SULF1: variants seen among roughly 807,000 people sequenced by gnomAD.
SULF1 encodes the protein sulfatase 1, also known as extracellular sulfatase Sulf-1.
In SULF1, 46 loss-of-function variants were observed where a neutral mutation model predicts 110.5. That is an observed-to-expected ratio of 0.42 (90% CI 0.33 to 0.53). The LOEUF (loss-of-function observed/expected upper bound fraction) is 0.53, where lower values mean the gene tolerates loss of function less well. Among genes scored for constraint, SULF1 ranks in the 20% least tolerant of loss-of-function variants. SULF1 has a pLI of 0.12. For synonymous variants in SULF1, 371 were observed against 387.1 expected (o/e 0.96, Z 0.49); for missense variants, 941 against 1,094.2 (o/e 0.86, Z 1.98).
intron 13 of SULF1, among the ~76,000 whole-genome samples, chr8:69,610,802 T>C (rs555512403): frequency 6.6e-6 from 1 of 152,360 alleles, no homozygotes; most frequent in Admixed American, 6.5e-5. Flanking sequence ...TAACAGCCCA[T>C]CCTAATCAGG....
At chr8:69,582,324 T>A (rs2150756753) in intron 6 of SULF1, among the ~76,000 whole-genome samples, 1 of 152,326 alleles carries the variant, frequency 6.6e-6, no homozygotes, top group Non-Finnish European at 1.5e-5. Flanking sequence ...TGCAGAACTC[T>A]AGTGCGAGAT....
chr8:69,509,039 A>G (rs553543778), intron 3 of SULF1, among the ~76,000 whole-genome samples: 2 of 152,204 alleles, frequency 1.3e-5, no homozygotes, highest in South Asian at 2.1e-4. Flanking sequence ...TTTCCTACAA[A>G]ATTAGAATGT....
intron 1 of SULF1, among the ~76,000 whole-genome samples, chr8:69,468,475 TCTCCAGTTATA>T (rs1432864083): frequency 1.1e-4 from 16 of 152,202 alleles, no homozygotes; most frequent in Admixed American, 9.8e-4. Context: ...TTCAAAATGT[TCTCCAGTTATA>T]CTCTCAAACT....
intron 1 of SULF1, among the ~76,000 whole-genome samples, chr8:69,494,673 A>T (rs1713156574): frequency 6.6e-6 from 1 of 152,362 alleles, no homozygotes; most frequent in Non-Finnish European, 1.5e-5. Flanking sequence ...CAATCATAAT[A>T]GAAGGAACAC....
At chr8:69,475,370 G>A (rs1809256852) in intron 1 of SULF1, among the ~76,000 whole-genome samples, 1 of 151,782 alleles carries the variant, frequency 6.6e-6, no homozygotes, top group East Asian at 1.9e-4. Context: ...GAGAGAAAGA[G>A]AGAGGGGGAT....
chr8:69,534,579 A>G (rs1171472921), intron 3 of SULF1, among the ~76,000 whole-genome samples: 7 of 152,184 alleles, frequency 4.6e-5, no homozygotes, highest in African/African-American at 9.7e-5. Context: ...TTCTACTTAC[A>G]TGTTTTATTA....
chr8:69,657,669 C>T (rs916021101), intron 22 of SULF1, among the ~76,000 whole-genome samples: 3 of 152,118 alleles, frequency 2.0e-5, no homozygotes, highest in African/African-American at 7.2e-5. Flanking sequence ...CTAGCTAGAC[C>T]GAGGTTGTGG....
chr8:69,585,494 T>C (rs1369570385), intron 6 of SULF1, among the ~76,000 whole-genome samples: 3 of 152,138 alleles, frequency 2.0e-5, no homozygotes, highest in Non-Finnish European at 4.4e-5. Flanking sequence ...ACCCCTCTCC[T>C]GTCATCATCT....
intron 2 of SULF1, among the ~76,000 whole-genome samples, chr8:69,498,830 C>A (rs1055776197): frequency 6.6e-6 from 1 of 152,162 alleles, no homozygotes; most frequent in Non-Finnish European, 1.5e-5. Context: ...TCTCCACCCA[C>A]GCAATGGACC....
rs75753764 is a variant in SULF1, at chr8:69,516,471, G to A, written c.-134+14503G>A. 2.9e-3 allele frequency among the ~76,000 whole-genome samples: 447 copies of A among 152,084 alleles called. 1 individual carries two copies. Among genetic ancestry groups the A allele is most frequent in the African/African-American group, 0.01 (428 of 41,502 alleles). On this transcript the variant is annotated intron_variant, in intron 3 of 22. Coordinates refer to ENST00000402687, the MANE Select transcript of SULF1 (RefSeq NM_001128205.2). ...AATCCACCCCCATGATCAAATTACC[G>A]CCTACCAGGCCCCAGCTCTAACATT...
intron 3 of SULF1, among the ~76,000 whole-genome samples, chr8:69,558,987 A>G (rs1815300106): frequency 1.3e-5 from 2 of 152,174 alleles, no homozygotes; most frequent in African/African-American, 4.8e-5. Context: ...TTCATTTTAC[A>G]TTTTTGCAAA....
At chr8:69,523,195 T>C (rs1586297556) in intron 3 of SULF1, among the ~76,000 whole-genome samples, 2 of 152,158 alleles carry the variant, frequency 1.3e-5, no homozygotes, top group East Asian at 3.9e-4. Flanking sequence ...AGAGAGAATA[T>C]GCAGAACCTA....
chr8:69,492,616 G>A (rs1432838559), upstream of SULF1: 3 of 152,220 alleles, frequency 2.0e-5, no homozygotes, highest in Non-Finnish European at 4.4e-5. Context: ...CAAGCCGGCC[G>A]GCTGCAGCGC....
chr8:69,570,285 T>A (rs368263952), intron 5 of SULF1, among the ~76,000 whole-genome samples: 2 of 152,204 alleles, frequency 1.3e-5, no homozygotes, highest in Non-Finnish European at 2.9e-5. Flanking sequence ...TTTCCATAAG[T>A]GATAATGACA....
chr8:69,640,212 G>A (rs1298911972), intron 21 of SULF1, among the ~76,000 whole-genome samples: 1 of 151,998 alleles, frequency 6.6e-6, no homozygotes, highest in Non-Finnish European at 1.5e-5. Flanking sequence ...GAGAGAAAGA[G>A]CCTGCAAAGA....
chr8:69,596,653 CTG>C (rs2130354765), intron 8 of SULF1, among the ~76,000 whole-genome samples: 1 of 152,250 alleles, frequency 6.6e-6, no homozygotes, highest in African/African-American at 2.4e-5. Context: ...TGGTTCAAGA[CTG>C]TGGCCAGTGT....
At chr8:69,628,634 A>T (rs954593783) in intron 18 of SULF1, among the ~76,000 whole-genome samples, 1 of 152,188 alleles carries the variant, frequency 6.6e-6, no homozygotes, top group Non-Finnish European at 1.5e-5. Context: ...AGAAATATAA[A>T]TTTTTTTAAA....
In SULF1 at chr8:69,563,535, C is replaced by T. The variant is rs1199001238; in HGVS notation, c.-133-4C>T. 2 of 158,722 alleles carry T rather than the reference C, an allele frequency of 1.3e-5. No individual in the cohort carries two copies. The highest frequency in any genetic ancestry group is 2.8e-5 in the Non-Finnish European group (2 of 72,030). The allele number at this position is 158,722 out of a possible 1,614,324, so 9.8% of individuals were successfully genotyped here. A position where few individuals can be genotyped will look rare whatever the true frequency, so the allele number is the denominator to read the frequency against. ...TCCTTTGTATTTTTTTCTCCCCCTTCCAGGACCCTATCTGCAGATGTTCTG... is the reference window on the plus strand; with the variant it reads ...TCCTTTGTATTTTTTTCTCCCCCTTTCAGGACCCTATCTGCAGATGTTCTG... On this transcript the variant is annotated splice_region_variant and splice_polypyrimidine_tract_variant and intron_variant, in intron 3 of 22. Coordinates refer to ENST00000402687, the MANE Select transcript of SULF1 (RefSeq NM_001128205.2).
At chr8:69,619,614 G>C (rs929901814) in intron 13 of SULF1, among the ~76,000 whole-genome samples, 2 of 152,236 alleles carry the variant, frequency 1.3e-5, no homozygotes, top group South Asian at 2.1e-4. Flanking sequence ...CAAGCTCCCC[G>C]TATGTGTCTG....
Sources: gnomAD v4.1 joint callset for allele counts (sites outside exome capture counted in the v4.1 genomes callset) on GRCh38, gnomAD v4.1.1 for gene constraint, MANE v1.5 for transcripts, NCBI Gene and HGNC (gene_info 2026-07-23, HGNC 2026-07-21) for gene names.